The following RDX variants were observed in gnomAD, a reference collection of about 807,000 sequenced individuals.
The protein encoded by RDX is radixin.
In RDX, 32 loss-of-function variants were observed where a neutral mutation model predicts 83.7. That is an observed-to-expected ratio of 0.38 (90% CI 0.29 to 0.51). RDX has a LOEUF of 0.51. RDX is among the 20% of genes least tolerant of loss of function. RDX has a pLI of 0.87. For synonymous variants in RDX, 229 were observed against 222.7 expected (o/e 1.03, Z -0.25); for missense variants, 600 against 689.9 (o/e 0.87, Z 1.46).
At chr11:110,220,361 GTTAC>G (rs1157466727) in intron 14 of RDX, among the ~76,000 whole-genome samples, 5 of 152,166 alleles carry the variant, frequency 3.3e-5, no homozygotes, top group African/African-American at 7.2e-5. Flanking sequence ...GATTAATAGT[GTTAC>G]TTCTGTTTGA....
At chr11:110,179,826 G>T in intron 15 of RDX, 1 of 401,104 alleles carries the variant, frequency 2.5e-6, no homozygotes, top group Non-Finnish European at 4.8e-6. Context: ...TGCAGATCCA[G>T]CTATGGAATG....
At chr11:110,194,449 A>C (rs1186996299) in intron 15 of RDX, among the ~76,000 whole-genome samples, 2 of 152,154 alleles carry the variant, frequency 1.3e-5, no homozygotes, top group African/African-American at 4.8e-5. Flanking sequence ...GGAACTCCTG[A>C]CCTCAACTGA....
intron 14 of RDX, among the ~76,000 whole-genome samples, chr11:110,215,011 T>TA (rs967407530): frequency 5.0e-5 from 5 of 99,706 alleles, no homozygotes; most frequent in South Asian, 3.2e-4. Context: ...ATGAAAAAAA[T>TA]AAAAAAAACA....
chr11:110,271,926 G>A (rs1453948031), intron 3 of RDX, among the ~76,000 whole-genome samples: 1 of 152,144 alleles, frequency 6.6e-6, no homozygotes, highest in African/African-American at 2.4e-5. Flanking sequence ...CAAATGGAAA[G>A]TTCCACACCT....
intron 14 of RDX, among the ~76,000 whole-genome samples, chr11:110,215,078 C>T (rs1349610923): frequency 4.1e-5 from 6 of 147,104 alleles, no homozygotes; most frequent in Middle Eastern, 3.5e-3. Context: ...ATAATGCTTT[C>T]GGCTGGGTGC....
At chr11:110,277,265 G>C (rs1428737667) in intron 2 of RDX, among the ~76,000 whole-genome samples, 1 of 149,196 alleles carries the variant, frequency 6.7e-6, no homozygotes, top group Non-Finnish European at 1.5e-5. Flanking sequence ...TAAAGTCGCA[G>C]CTGCTCCACA....
Position 110,198,763 on chromosome 11 carries a change from A to C in RDX, c.*31+818T>G, listed in dbSNP as rs942652279. Among the ~76,000 whole-genome samples, 4 of 151,502 alleles carry C rather than the reference A, an allele frequency of 2.6e-5. No individual in the cohort carries two copies. In the South Asian group the frequency reaches 8.3e-4, roughly 32 times the overall value. The stretch of plus-strand genomic sequence containing the variant: ...CCTTGGTGCAAAAAGGTTGGGGGCC[A>C]CTGTTCTACTCAATGTGCATGTACA... On this transcript the variant is annotated intron_variant, in intron 15 of 15. Transcript: ENST00000528498.
intron 14 of RDX, among the ~76,000 whole-genome samples, chr11:110,224,346 T>C (rs1224024404): frequency 6.6e-6 from 1 of 152,344 alleles, no homozygotes; most frequent in East Asian, 1.9e-4. Flanking sequence ...CTGAGGTTAA[T>C]AGTTTTCAAC....
At chr11:110,270,804 T>A (rs1860274810) in intron 3 of RDX, among the ~76,000 whole-genome samples, 1 of 152,356 alleles carries the variant, frequency 6.6e-6, no homozygotes, top group African/African-American at 2.4e-5. Context: ...ACAAGTTTTA[T>A]TTCTCAGTAT....
intron 15 of RDX, among the ~76,000 whole-genome samples, chr11:110,189,863 C>G (rs972017331): frequency 2.0e-5 from 3 of 152,170 alleles, no homozygotes; most frequent in African/African-American, 7.2e-5. Flanking sequence ...GTGGGCAGAT[C>G]ACCTGAGTTC....
intron 1 of RDX, among the ~76,000 whole-genome samples, 199 bp from the exon 2 acceptor site, chr11:110,279,955 C>T (rs1462936885): frequency 6.6e-6 from 1 of 152,114 alleles, no homozygotes; most frequent in African/African-American, 2.4e-5. Context: ...ATTAAAAATA[C>T]CACACATCTC....
intron 9 of RDX, among the ~76,000 whole-genome samples, chr11:110,252,316 A>T (rs1214533266): frequency 1.3e-5 from 2 of 152,200 alleles, no homozygotes; most frequent in African/African-American, 4.8e-5. Flanking sequence ...ACCATTACCA[A>T]ATGATACTAA....
chr11:110,272,792 A>T, intron 2 of RDX, 173 bp from the exon 3 acceptor site: 1 of 602,944 alleles, frequency 1.7e-6, no homozygotes, highest in Non-Finnish European at 2.9e-6. Flanking sequence ...TCTATTGAAT[A>T]CTTAACATAT....
intron 1 of RDX, among the ~76,000 whole-genome samples, chr11:110,293,406 T>C (rs543950125): frequency 2.2e-4 from 34 of 152,258 alleles, no homozygotes; most frequent in Non-Finnish European, 4.6e-4. Flanking sequence ...TGGCTTAAGC[T>C]ATACATTCAA....
At chr11:110,271,713 A>C (rs1732576378) in intron 3 of RDX, among the ~76,000 whole-genome samples, 2 of 152,128 alleles carry the variant, frequency 1.3e-5, no homozygotes, top group South Asian at 4.1e-4. Flanking sequence ...GAAGAAAGAT[A>C]AGATCAGTAG....
intron 10 of RDX, among the ~76,000 whole-genome samples, chr11:110,246,509 T>C (rs1385239335): frequency 6.6e-6 from 1 of 152,006 alleles, no homozygotes; most frequent in African/African-American, 2.4e-5. Flanking sequence ...GCATGGTGGC[T>C]CACGCCTGTA....
In RDX at chr11:110,258,268, T is replaced by C. The variant is rs1011804809; in HGVS notation, c.468-79A>G. 9.5e-6 allele frequency: 9 copies of C among 942,444 alleles called. No individual in the cohort carries two copies. The African/African-American group carries it at 1.0e-4, about 11-fold the overall frequency. 58.4% of individuals were successfully genotyped at this position (942,444 alleles called of 1,614,324 possible). ...TACACTTTAAAAGTAAAGAATCCTT[T>C]CAGTAACTTGACTGTGGTAGTTGTC... On this transcript the variant is annotated intron_variant, in intron 5 of 13. Coordinates refer to ENST00000645495, the MANE Select transcript of RDX (RefSeq NM_002906.4).
At chr11:110,258,040 T>C in intron 6 of RDX, 66 bp downstream of exon 6, 1 of 1,471,408 alleles carries the variant, frequency 6.8e-7, no homozygotes, top group Non-Finnish European at 9.5e-7. Context: ...AATGTAATAA[T>C]AAATGTTACG....
At chr11:110,209,329 G>A (rs1274596169) in intron 14 of RDX, among the ~76,000 whole-genome samples, 2 of 151,272 alleles carry the variant, frequency 1.3e-5, no homozygotes, top group South Asian at 2.1e-4. Context: ...ACCTGGCTCG[G>A]AGGGTCCTAC....
Sources: allele counts gnomAD v4.1 joint callset (sites outside exome capture counted in the v4.1 genomes callset), GRCh38; gene constraint gnomAD v4.1.1; transcripts MANE v1.5; gene names NCBI Gene and HGNC (gene_info 2026-07-23, HGNC 2026-07-21).